Variants in SLC9C1 observed in about 807,000 individuals in gnomAD.
SLC9C1 encodes sodium/hydrogen exchanger 10.
SLC9C1 carries 97 observed loss-of-function variants against 140.9 expected under a neutral mutation model. The ratio of observed to expected loss-of-function variants is 0.69; its 90% confidence interval spans 0.58 to 0.82. The LOEUF (loss-of-function observed/expected upper bound fraction) is 0.82. SLC9C1 is among the 40% of genes least tolerant of loss of function. The pLI is 0.00. For synonymous variants in SLC9C1, 440 were observed against 442.6 expected, an observed-to-expected ratio of 0.99 and a Z score of 0.07; for missense variants, 1,340 against 1,389.3, an observed-to-expected ratio of 0.96 and a Z score of 0.56.
chr3:112,213,039 G>A (rs1041915224), intron 15 of SLC9C1, among the ~76,000 whole-genome samples: 1 of 152,202 alleles, frequency 6.6e-6, no homozygotes, highest in Non-Finnish European at 1.5e-5. Flanking sequence ...AGAAGACAAT[G>A]GGGGCCAATA....
Position 112,280,723 on chromosome 3 carries a change from A to G in SLC9C1, c.149T>C (p.Leu50Pro), listed in dbSNP as rs764621695. Reference sequence around the variant, plus strand: ...GCTTAATACTTCAAAACTGCATCCAAGTAAAAATAATATCACAGGGACAGG... The same window carrying G: ...GCTTAATACTTCAAAACTGCATCCAGGTAAAAATAATATCACAGGGACAGG... Reference protein sequence around the residue: ...PIPVPVILFLLGCSFEVLSFT... With the variant: ...PIPVPVILFLPGCSFEVLSFT... Residue 50 changes from leucine (L) to proline (P), a missense_variant, in exon 3 of 29, where the codon CTT becomes CCT. Physicochemically the swap from Leu to Pro is moderately conservative, Grantham distance 98. Transcript: ENST00000305815. The G allele has an allele frequency of 3.7e-6, 6 of 1,612,140 alleles. No individual in the cohort carries two copies. The highest frequency in any genetic ancestry group is 5.1e-6 in the Non-Finnish European group (6 of 1,179,518).
intron 10 of SLC9C1, among the ~76,000 whole-genome samples, chr3:112,244,284 T>C (rs770378317): frequency 1.3e-5 from 2 of 152,212 alleles, no homozygotes; most frequent in Non-Finnish European, 2.9e-5. Context: ...ATCCATGTTT[T>C]GTTACCAAAC....
At chr3:112,271,887 G>A (rs1007870691) in intron 6 of SLC9C1, among the ~76,000 whole-genome samples, 5 of 152,056 alleles carry the variant, frequency 3.3e-5, no homozygotes, top group African/African-American at 1.2e-4. Context: ...ATGTTGCAAT[G>A]TATATTTCTG....
chr3:112,280,695 A>C lies in SLC9C1; in HGVS notation c.177T>G (p.Phe59Leu), dbSNP rs748229692. ...TTACAATACACACCTGTGAAGATGTAAAGCTTAATACTTCAAAACTGCATC... is the reference window on the plus strand; with the variant it reads ...TTACAATACACACCTGTGAAGATGTCAAGCTTAATACTTCAAAACTGCATC... ...LLGCSFEVLS[F>L]TSSQVQRYAN... is the part of the protein sequence containing the mutation. Residue 59 changes from phenylalanine to leucine, a missense_variant, in exon 3 of 29, where the codon TTT (phenylalanine) becomes TTG (leucine). Physicochemically the swap from Phe to Leu is conservative, Grantham distance 22. Coordinates refer to ENST00000305815, the MANE Select transcript of SLC9C1 (RefSeq NM_183061.3). 3.6e-5 allele frequency: 58 copies of C among 1,607,682 alleles called. No individual in the cohort carries two copies. Among genetic ancestry groups the C allele is most frequent in the Non-Finnish European group, 4.8e-5 (56 of 1,178,034 alleles).
At position 112,286,766 on chromosome 3, in the gene SLC9C1, A is replaced by G. The variant is rs1709456073; in HGVS notation, c.26T>C (p.Phe9Ser). The change falls in exon 2 of 29, where the codon TTT becomes TCT. Residue 9 changes from phenylalanine to serine, a missense_variant. Physicochemically the swap from Phe to Ser is radical, Grantham distance 155. Coordinates refer to ENST00000305815, the MANE Select transcript of SLC9C1 (RefSeq NM_183061.3). ...TTCAGGGAGGTCCTCAGTACTGAAAAAAAACTCCTTAAATATTCCAGCCAT... is the reference window on the plus strand; with the variant it reads ...TTCAGGGAGGTCCTCAGTACTGAAAGAAAACTCCTTAAATATTCCAGCCAT... Reference protein sequence around the residue: MAGIFKEFFFSTEDLPEVI... With the variant: MAGIFKEFSFSTEDLPEVI... 1 of 1,612,406 alleles carries G rather than the reference A, an allele frequency of 6.2e-7. No individual in the cohort carries two copies. The highest frequency in any genetic ancestry group is 1.3e-5 in the African/African-American group (1 of 74,858).
chr3:112,223,285 G>A (rs1249832399), intron 13 of SLC9C1, among the ~76,000 whole-genome samples: 1 of 152,090 alleles, frequency 6.6e-6, no homozygotes, highest in Non-Finnish European at 1.5e-5. Flanking sequence ...ACCAGTCTGA[G>A]CAACATAAAG....
intron 5 of SLC9C1, among the ~76,000 whole-genome samples, chr3:112,275,775 G>C (rs536547644): frequency 6.6e-6 from 1 of 152,114 alleles, no homozygotes; most frequent in Non-Finnish European, 1.5e-5. Flanking sequence ...AAACACCAAG[G>C]CTGTTCCTGT....
At chr3:112,169,658 G>A (rs906431953) in intron 23 of SLC9C1, among the ~76,000 whole-genome samples, 1 of 152,084 alleles carries the variant, frequency 6.6e-6, no homozygotes, top group Non-Finnish European at 1.5e-5. Flanking sequence ...TTGAAGTTAG[G>A]TGATGTGATT....
chr3:112,222,118 A>G (rs540619380), intron 13 of SLC9C1, among the ~76,000 whole-genome samples: 39 of 152,318 alleles, frequency 2.6e-4, no homozygotes, highest in African/African-American at 9.1e-4. Flanking sequence ...ATATCATTAA[A>G]ATATGTTTAA....
chr3:112,292,301 C>A (rs1470124460), intron 1 of SLC9C1, among the ~76,000 whole-genome samples: 1 of 151,998 alleles, frequency 6.6e-6, no homozygotes, highest in Non-Finnish European at 1.5e-5. Context: ...ATAAAATTAC[C>A]ACGAATCCTG....
chr3:112,221,132 CCTT>C lies in SLC9C1; in HGVS notation c.1663_1665del (p.Lys555del), dbSNP rs776170075. The stretch of plus-strand genomic sequence containing the variant: ...ATCTCTTGAGAATATACTTACTTTC[CCTT>C]CTTCTCACCAAAACTTTCTGCTGCA... On this transcript the variant is annotated inframe_deletion, in exon 14 of 29. Coordinates refer to ENST00000305815, the MANE Select transcript of SLC9C1 (RefSeq NM_183061.3). The C allele has an allele frequency of 1.2e-6, 2 of 1,612,526 alleles. No individual in the cohort carries two copies. The highest frequency in any genetic ancestry group is 2.2e-5 in the East Asian group (1 of 44,834).
intron 20 of SLC9C1, among the ~76,000 whole-genome samples, chr3:112,199,112 G>C (rs926136236): frequency 2.0e-5 from 3 of 151,170 alleles, no homozygotes; most frequent in African/African-American, 7.3e-5. Flanking sequence ...CAGGTGGTCT[G>C]TTCCTGTAGC....
intron 23 of SLC9C1, among the ~76,000 whole-genome samples, chr3:112,173,942 G>C (rs4423738): frequency 0.98 from 149,006 of 152,350 alleles, 72,963 homozygotes; most frequent in East Asian, 1. Flanking sequence ...TTGCCAGCAT[G>C]TGTTATTTTT....
At chr3:112,172,830 G>A (rs2077270597) in intron 23 of SLC9C1, among the ~76,000 whole-genome samples, 1 of 151,770 alleles carries the variant, frequency 6.6e-6, no homozygotes. Context: ...CTTATAATGT[G>A]TTGAATCACA....
At chr3:112,210,802 C>G in intron 15 of SLC9C1, among the ~76,000 whole-genome samples, 1 of 152,064 alleles carries the variant, frequency 6.6e-6, no homozygotes, top group East Asian at 1.9e-4. Flanking sequence ...ACTCATCAGT[C>G]TCCTCTGAGG....
intron 26 of SLC9C1, among the ~76,000 whole-genome samples, chr3:112,158,066 A>G (rs947481775): frequency 6.6e-6 from 1 of 151,950 alleles, no homozygotes; most frequent in East Asian, 1.9e-4. Flanking sequence ...GAATAGTGAT[A>G]AAAGTGGACA....
intron 20 of SLC9C1, among the ~76,000 whole-genome samples, chr3:112,190,291 A>G: frequency 6.6e-6 from 1 of 152,148 alleles, no homozygotes; most frequent in East Asian, 1.9e-4. Flanking sequence ...GTGGTGAGAG[A>G]GGGCATCCCT....
At chr3:112,194,565 T>A (rs1054566315) in intron 20 of SLC9C1, among the ~76,000 whole-genome samples, 1 of 152,224 alleles carries the variant, frequency 6.6e-6, no homozygotes, top group South Asian at 2.1e-4. Flanking sequence ...ACATTTTAGT[T>A]ATTGTGAATA....
At chr3:112,160,970 T>C (rs957012273) in intron 26 of SLC9C1, among the ~76,000 whole-genome samples, 15 of 152,174 alleles carry the variant, frequency 9.9e-5, no homozygotes, top group African/African-American at 1.2e-4. Context: ...TTCTAACTGG[T>C]GTGAGATGGT....
Sources: gnomAD v4.1 joint callset for allele counts (sites outside exome capture counted in the v4.1 genomes callset) on GRCh38, gnomAD v4.1.1 for gene constraint, MANE v1.5 for transcripts, NCBI Gene and HGNC (gene_info 2026-07-23, HGNC 2026-07-21) for gene names.